Variants in DENND2B observed in about 807,000 individuals in gnomAD.
DENND2B encodes the protein DENN domain containing 2B.
Under a neutral mutation model 116.0 loss-of-function variants are expected in DENND2B, and 32 were observed. The observed-to-expected ratio is 0.28, with a 90% CI of 0.21 to 0.37. The LOEUF (loss-of-function observed/expected upper bound fraction) is 0.37. Among genes scored for constraint, DENND2B ranks in the 10% least tolerant of loss-of-function variants. The pLI, the probability that DENND2B is intolerant of heterozygous loss-of-function variation, is 1.00. For synonymous variants in DENND2B, 588 were observed against 583.9 expected, an observed-to-expected ratio of 1.01 and a Z score of -0.10; for missense variants, 1,276 against 1,477.7, an observed-to-expected ratio of 0.86 and a Z score of 2.24.
chr11:8,794,368 C>T (rs1047631519), intron 1 of DENND2B, among the ~76,000 whole-genome samples: 4 of 152,292 alleles, frequency 2.6e-5, no homozygotes, highest in East Asian at 3.9e-4. Context: ...GCAAAATAGA[C>T]GACAGCTGTG....
At chr11:8,700,787 A>G (rs960200178) in intron 14 of DENND2B, among the ~76,000 whole-genome samples, 1 of 152,160 alleles carries the variant, frequency 6.6e-6, no homozygotes, top group African/African-American at 2.4e-5. Context: ...GGAGAGAGGA[A>G]AAGTTTTTGT....
intron 17 of DENND2B, 88 bp from the exon 18 acceptor site, chr11:8,696,754 A>G (rs1180902906): frequency 2.3e-5 from 35 of 1,545,312 alleles, no homozygotes; most frequent in African/African-American, 2.7e-5. Flanking sequence ...CCTCTCCCCA[A>G]CAAGACTTCC....
intron 1 of DENND2B, among the ~76,000 whole-genome samples, chr11:8,882,108 G>A (rs746628770): frequency 2.0e-5 from 3 of 151,692 alleles, no homozygotes; most frequent in Non-Finnish European, 2.9e-5. Context: ...CTCTAGCTCC[G>A]ACTTCTCTCT....
intron 3 of DENND2B, 132 bp from the exon 4 acceptor site, chr11:8,726,341 G>GGTC: frequency 8.2e-7 from 1 of 1,220,776 alleles, no homozygotes; most frequent in Non-Finnish European, 1.1e-6. Context: ...CATCAAGGTG[G>GGTC]GTCCAAACTT....
chr11:8,890,964 G>A (rs1346230075), intron 1 of DENND2B, among the ~76,000 whole-genome samples: 1 of 152,142 alleles, frequency 6.6e-6, no homozygotes, highest in Non-Finnish European at 1.5e-5. Flanking sequence ...TTGAAATGAA[G>A]GAAAAAATGT....
intron 1 of DENND2B, among the ~76,000 whole-genome samples, chr11:8,786,048 T>A (rs2058870540): frequency 6.6e-6 from 1 of 152,188 alleles, no homozygotes; most frequent in Non-Finnish European, 1.5e-5. Context: ...CAAAATTCCA[T>A]CTGAAAGAAG....
chr11:8,779,702 C>T (rs780718429), intron 1 of DENND2B, among the ~76,000 whole-genome samples: 22 of 151,984 alleles, frequency 1.4e-4, no homozygotes, highest in Admixed American at 3.3e-4. Context: ...TCAGTAGAGA[C>T]AGGGTTTCTC....
At chr11:8,828,214 G>A (rs144170297) in intron 4 of DENND2B, among the ~76,000 whole-genome samples, 3 of 152,282 alleles carry the variant, frequency 2.0e-5, no homozygotes, top group Non-Finnish European at 2.9e-5. Context: ...CCAGACAGAC[G>A]CTGAGAACCT....
At chr11:8,718,365 G>C in intron 4 of DENND2B, 1 of 1,535,380 alleles carries the variant, frequency 6.5e-7, no homozygotes, top group South Asian at 1.2e-5. Flanking sequence ...CTACTTTGGA[G>C]GGTGGGCATG....
upstream of DENND2B, among the ~76,000 whole-genome samples, chr11:8,875,911 A>C (rs781706391): frequency 6.6e-6 from 1 of 152,270 alleles, no homozygotes; most frequent in East Asian, 1.9e-4. Context: ...TTGAGTCCCC[A>C]TACAGCATTC....
intron 1 of DENND2B, among the ~76,000 whole-genome samples, chr11:8,901,803 T>A (rs1300023397): frequency 6.6e-6 from 1 of 152,188 alleles, no homozygotes; most frequent in East Asian, 1.9e-4. Context: ...CTAATTTAAT[T>A]CTATTGTGGG....
In DENND2B at chr11:8,717,907, G is replaced by A. The variant is rs762055557; in HGVS notation, c.1478-15C>T. 12 of 1,602,934 alleles carry A rather than the reference G, an allele frequency of 7.5e-6. No individual in the cohort carries two copies. Among genetic ancestry groups the A allele is most frequent in the Non-Finnish European group, 1.0e-5 (12 of 1,173,100 alleles). ...GGGCAGATCTCCTGCAGAGGAGGAA[G>A]AGTTAGAGAAGGGGGAGAAGGGAAG... On this transcript the variant is annotated splice_polypyrimidine_tract_variant and intron_variant, in intron 4 of 19. Transcript: ENST00000313726.
intron 6 of DENND2B, 61 bp from the exon 7 acceptor site, chr11:8,714,767 A>G: frequency 7.1e-7 from 1 of 1,401,826 alleles, no homozygotes; most frequent in East Asian, 2.3e-5. Context: ...ACTTCCAAGA[A>G]GGCTGAGTAG....
intron 3 of DENND2B, among the ~76,000 whole-genome samples, chr11:8,846,858 G>A (rs768554670): frequency 6.6e-6 from 1 of 152,180 alleles, no homozygotes; most frequent in East Asian, 1.9e-4. Flanking sequence ...CTTTGCTGTA[G>A]GTGTTTGATG....
intron 4 of DENND2B, among the ~76,000 whole-genome samples, chr11:8,837,534 G>C (rs1357617858): frequency 2.0e-5 from 3 of 152,112 alleles, no homozygotes; most frequent in Admixed American, 2.0e-4. Context: ...TTTTAGTAGA[G>C]ATGGGGTGTC....
intron 1 of DENND2B, among the ~76,000 whole-genome samples, chr11:8,754,456 T>C (rs981255914): frequency 1.3e-5 from 2 of 152,180 alleles, no homozygotes; most frequent in East Asian, 3.8e-4. Flanking sequence ...ATTGGAACTT[T>C]CATTCCCTGC....
chr11:8,887,031 TTGG>T (rs1210211802), intron 1 of DENND2B, among the ~76,000 whole-genome samples: 1 of 152,148 alleles, frequency 6.6e-6, no homozygotes, highest in Non-Finnish European at 1.5e-5. Flanking sequence ...TTTCTCCATG[TTGG>T]TCAGGCTGGT....
rs76093621 is a variant in DENND2B, at chr11:8,837,830, C to T, written c.-115+1480G>A. Among the ~76,000 whole-genome samples, 1,264 of 152,314 alleles carry T rather than the reference C, an allele frequency of 8.3e-3. 24 individuals carry two copies. The highest frequency in any genetic ancestry group is 0.03 in the African/African-American group (1,230 of 41,542). ...CATCGAAGGTCTCTGGAAGCTACAA[C>T]TTCCAAGGACCAATCTCCGCATGAT... On this transcript the variant is annotated intron_variant, in intron 4 of 6. Coordinates refer to the DENND2B transcript ENST00000524757.
chr11:8,755,386 T>A (rs1565859638), intron 1 of DENND2B, among the ~76,000 whole-genome samples: 1 of 152,202 alleles, frequency 6.6e-6, no homozygotes, highest in Non-Finnish European at 1.5e-5. Flanking sequence ...CTTGATAGCA[T>A]TTATACTTCC....
Sources: allele counts gnomAD v4.1 joint callset (sites outside exome capture counted in the v4.1 genomes callset), GRCh38; gene constraint gnomAD v4.1.1; transcripts MANE v1.5; gene names NCBI Gene and HGNC (gene_info 2026-07-23, HGNC 2026-07-21).